The following ANKFN1 variants were observed in gnomAD, a reference collection of about 807,000 sequenced individuals.
The protein encoded by ANKFN1 is ankyrin repeat and fibronectin type-III domain-containing protein 1.
A neutral mutation model predicts 108.7 loss-of-function variants in ANKFN1; 74 were observed. That is an observed-to-expected ratio of 0.68 (90% CI 0.56 to 0.83). ANKFN1 has a LOEUF of 0.83. Ranked by LOEUF, ANKFN1 falls within the 40% of genes least tolerant of loss-of-function variation. The pLI is 0.00. For synonymous variants in ANKFN1, 547 were observed against 516.2 expected, an observed-to-expected ratio of 1.06 and a Z score of -0.81; for missense variants, 1,505 against 1,382.3, an observed-to-expected ratio of 1.09 and a Z score of -1.41.
chr17:56,218,534 T>C (rs1915605254), intron 2 of ANKFN1, among the ~76,000 whole-genome samples: 1 of 152,192 alleles, frequency 6.6e-6, no homozygotes, highest in Non-Finnish European at 1.5e-5. Flanking sequence ...CTTCAGCACA[T>C]GCCCTGTCTC....
intron 4 of ANKFN1, among the ~76,000 whole-genome samples, chr17:56,050,659 C>G: frequency 6.6e-6 from 1 of 151,484 alleles, no homozygotes; most frequent in South Asian, 2.1e-4. Flanking sequence ...AATCCTTTCC[C>G]CATTGCTTGT....
intron 8 of ANKFN1, among the ~76,000 whole-genome samples, chr17:56,434,473 T>G (rs1285730776): frequency 6.6e-6 from 1 of 152,080 alleles, no homozygotes; most frequent in African/African-American, 2.4e-5. Context: ...GAAATTTAAT[T>G]TGGGGAAAAA....
chr17:56,412,177 C>T (rs1016478465), intron 8 of ANKFN1, among the ~76,000 whole-genome samples: 1 of 152,040 alleles, frequency 6.6e-6, no homozygotes, highest in Non-Finnish European at 1.5e-5. Context: ...TGGTCTATTG[C>T]CAATTTCTAT....
At chr17:56,184,958 A>G (rs1046281871) in intron 1 of ANKFN1, 8 of 152,252 alleles carry the variant, frequency 5.3e-5, no homozygotes, top group African/African-American at 1.9e-4. Flanking sequence ...ACAGAAGGAA[A>G]TAAAATGTCA....
chr17:56,101,647 T>C (rs551079535), intron 4 of ANKFN1, among the ~76,000 whole-genome samples: 44 of 152,344 alleles, frequency 2.9e-4, no homozygotes, highest in Non-Finnish European at 3.7e-4. Context: ...TAGATAATTT[T>C]TGTAGAATGG....
In ANKFN1 at chr17:56,353,869, G is replaced by A; in HGVS notation, c.424G>A (p.Val142Ile). 1 of 1,614,028 alleles carries A rather than the reference G, an allele frequency of 6.2e-7. No individual in the cohort carries two copies. The highest frequency in any genetic ancestry group is 1.1e-5 in the South Asian group (1 of 91,088). ...FQGNEAMFEA[V>I]EQQDMDAVQI... is the part of the protein sequence containing the mutation. ...GGGCAATGAAGCCATGTTTGAGGCA[G>A]TCGAACAGCAGGACATGGATGCTGT... The change falls in exon 6 of 21, where the codon GTC (valine) becomes ATC (isoleucine). Residue 142 changes from valine to isoleucine, a missense_variant. Transcript: ENST00000682825.
Position 56,306,533 on chromosome 17 carries a change from C to A in ANKFN1, c.54-19688C>A, listed in dbSNP as rs530199446. ...TACAACTTACAAGGGACGTGAAGGA[C>A]CTCTTCAAGGAGAACTACAAACCAC... is the stretch of plus-strand genomic sequence containing the variant. On this transcript the variant is annotated intron_variant, in intron 3 of 20. Coordinates refer to ENST00000682825, the MANE Select transcript of ANKFN1 (RefSeq NM_001370326.1). Among the ~76,000 whole-genome samples, 252 of 152,264 alleles carry A rather than the reference C, an allele frequency of 1.7e-3. 1 individual carries two copies. Among genetic ancestry groups the A allele is most frequent in the African/African-American group, 6.0e-3 (248 of 41,550 alleles).
intron 11 of ANKFN1, among the ~76,000 whole-genome samples, chr17:56,454,282 G>A (rs1478846093): frequency 1.3e-5 from 2 of 151,826 alleles, no homozygotes; most frequent in East Asian, 3.9e-4. Flanking sequence ...GTTTTTAATT[G>A]CCAATGCTCT....
At position 56,350,786 on chromosome 17, in the gene ANKFN1, C is replaced by T. The variant is rs141896298; in HGVS notation, c.209C>T (p.Thr70Met). The T allele has an allele frequency of 1.3e-4, 214 of 1,613,532 alleles. No homozygotes were observed. Among genetic ancestry groups the T allele is most frequent in the Middle Eastern group, 8.3e-4 (5 of 6,052 alleles). ...CTTAGGAATTGTCGTGTGAAAATGA[C>T]GCAACAAATGCAAAATTTACATCTC... Reference protein sequence around the residue: ...SINWNCRVKMTQQMQNLHLCQ... With the variant: ...SINWNCRVKMMQQMQNLHLCQ... The change falls in exon 5 of 21, where the codon ACG becomes ATG. Residue 70 changes from threonine to methionine, a missense_variant. Thr to Met is a moderately conservative substitution (Grantham distance 81). Coordinates refer to ENST00000682825, the MANE Select transcript of ANKFN1 (RefSeq NM_001370326.1).
intron 1 of ANKFN1, among the ~76,000 whole-genome samples, chr17:56,170,364 G>A (rs1567815730): frequency 1.3e-5 from 2 of 152,180 alleles, no homozygotes; most frequent in East Asian, 3.9e-4. Flanking sequence ...AGAACTCAGA[G>A]AGGGAGCGAC....
chr17:56,110,333 G>A (rs76264902), intron 4 of ANKFN1, among the ~76,000 whole-genome samples: 3,483 of 152,036 alleles, frequency 0.023, 126 homozygotes, highest in African/African-American at 0.078. Flanking sequence ...TTTACTTTTC[G>A]GAAAAGCACT....
intron 8 of ANKFN1, among the ~76,000 whole-genome samples, chr17:56,410,741 C>A (rs969988516): frequency 6.6e-6 from 1 of 152,144 alleles, no homozygotes; most frequent in Non-Finnish European, 1.5e-5. Flanking sequence ...TGGTAACCAC[C>A]TTTCTACTCT....
chr17:56,239,695 G>A (rs895615317), intron 3 of ANKFN1, among the ~76,000 whole-genome samples: 8 of 151,904 alleles, frequency 5.3e-5, no homozygotes, highest in Non-Finnish European at 8.8e-5. Context: ...AGACATTTTC[G>A]CTCCTCTTTC....
Position 56,071,664 on chromosome 17 carries a change from C to T in ANKFN1, c.288+25339C>T, listed in dbSNP as rs1443142698. Among the ~76,000 whole-genome samples the T allele has an allele frequency of 2.0e-5, 3 of 152,240 alleles. No individual in the cohort carries two copies. The East Asian group carries it at 5.8e-4, about 29-fold the overall frequency. On this transcript the variant is annotated intron_variant, in intron 4 of 12. Coordinates refer to the ANKFN1 transcript ENST00000635860. ...TGTTTTTATAAAAGGATATCTATTA[C>T]AACAAAAACATTATATCCATCTCCC... is the stretch of plus-strand genomic sequence containing the variant.
At chr17:56,088,290 A>G (rs1274178675) in intron 4 of ANKFN1, among the ~76,000 whole-genome samples, 2 of 151,216 alleles carry the variant, frequency 1.3e-5, no homozygotes, top group Non-Finnish European at 3.0e-5. Context: ...CTCATGAAAC[A>G]ATTTTAGAGG....
intron 11 of ANKFN1, among the ~76,000 whole-genome samples, chr17:56,451,243 C>T (rs1444917221): frequency 1.3e-5 from 2 of 152,258 alleles, no homozygotes; most frequent in African/African-American, 4.8e-5. Flanking sequence ...CTTAAACAAG[C>T]ATTTTCCAAA....
intron 14 of ANKFN1, among the ~76,000 whole-genome samples, chr17:56,463,044 G>A (rs1367489865): frequency 2.0e-5 from 3 of 152,154 alleles, no homozygotes; most frequent in African/African-American, 4.8e-5. Context: ...TGTGCAATTT[G>A]CACCTTGTTT....
intron 1 of ANKFN1, among the ~76,000 whole-genome samples, chr17:56,197,242 A>G (rs1324482414): frequency 6.6e-6 from 1 of 152,194 alleles, no homozygotes; most frequent in African/African-American, 2.4e-5. Flanking sequence ...ACACAGACCT[A>G]TCTGATTCTG....
chr17:56,180,230 A>C (rs1425533950), intron 1 of ANKFN1, among the ~76,000 whole-genome samples: 1 of 152,130 alleles, frequency 6.6e-6, no homozygotes, highest in Non-Finnish European at 1.5e-5. Context: ...GCAAGGTCAT[A>C]TTCTGTCTCT....
Sources: allele counts gnomAD v4.1 joint callset (sites outside exome capture counted in the v4.1 genomes callset), GRCh38; gene constraint gnomAD v4.1.1; transcripts MANE v1.5; gene names NCBI Gene and HGNC (gene_info 2026-07-23, HGNC 2026-07-21).